Variants in NALF1 observed in about 807,000 individuals in gnomAD.
NALF1 encodes the protein family with sequence similarity 155 member A.
A neutral mutation model predicts 48.4 loss-of-function variants in NALF1; 3 were observed. That is an observed-to-expected ratio of 0.06 (90% CI 0.03 to 0.16). The LOEUF is 0.16. Among genes scored for constraint, NALF1 ranks in the 10% least tolerant of loss-of-function variants. NALF1 has a pLI of 1.00. For missense variants in NALF1, 526 were observed against 571.5 expected, an observed-to-expected ratio of 0.92 and a Z score of 0.81; for synonymous variants, 262 against 245.7, an observed-to-expected ratio of 1.07 and a Z score of -0.62.
chr13:107,716,235 A>G (rs963082407), intron 1 of NALF1, among the ~76,000 whole-genome samples: 1 of 152,226 alleles, frequency 6.6e-6, no homozygotes, highest in African/African-American at 2.4e-5. Flanking sequence ...TGAAAGGTTC[A>G]AAATTCAGTC....
intron 1 of NALF1, among the ~76,000 whole-genome samples, chr13:107,356,791 A>G (rs1169071027): frequency 2.7e-4 from 41 of 152,236 alleles, no homozygotes; most frequent in Non-Finnish European, 1.5e-5. Flanking sequence ...ACAGGTGTGG[A>G]TATGGAAATG....
chr13:107,392,466 A>C (rs1337070724), intron 1 of NALF1, among the ~76,000 whole-genome samples: 1 of 152,150 alleles, frequency 6.6e-6, no homozygotes, highest in Non-Finnish European at 1.5e-5. Context: ...GATAGCAGAG[A>C]TAGCCCTCTC....
intron 1 of NALF1, among the ~76,000 whole-genome samples, chr13:107,863,798 G>A (rs1483743301): frequency 6.6e-6 from 1 of 152,128 alleles, no homozygotes; most frequent in Admixed American, 6.5e-5. Context: ...TAAGGGGAAA[G>A]AAAACTTTTT....
intron 1 of NALF1, among the ~76,000 whole-genome samples, chr13:107,734,406 A>AC (rs1566462000): frequency 0.011 from 926 of 81,268 alleles, 12 homozygotes; most frequent in African/African-American, 0.033. Flanking sequence ...TCCTTTAAAA[A>AC]AAAACACACA....
intron 1 of NALF1, among the ~76,000 whole-genome samples, chr13:107,250,930 C>G (rs1281419966): frequency 6.6e-6 from 1 of 152,066 alleles, no homozygotes; most frequent in Non-Finnish European, 1.5e-5. Context: ...CCTGCTTCTC[C>G]TTCATCTTCT....
At chr13:107,185,172 G>A (rs188358684) in intron 2 of NALF1, among the ~76,000 whole-genome samples, 73 of 152,152 alleles carry the variant, frequency 4.8e-4, no homozygotes, top group Middle Eastern at 3.4e-3. Flanking sequence ...CAGATGCCCC[G>A]CATAGCCTCA....
chr13:107,767,430 C>T (rs1206284782), intron 1 of NALF1, among the ~76,000 whole-genome samples: 3 of 152,184 alleles, frequency 2.0e-5, no homozygotes, highest in Non-Finnish European at 4.4e-5. Context: ...GGTTATTCAA[C>T]GCAGTCCCAC....
chr13:107,642,462 A>G (rs1263404451), intron 1 of NALF1, among the ~76,000 whole-genome samples: 3 of 152,236 alleles, frequency 2.0e-5, no homozygotes, highest in Admixed American at 6.5e-5. Context: ...TGCCCAGCAT[A>G]TAAGATGTTA....
rs554321834 is a variant in NALF1, at chr13:107,673,497, T to C, written c.915+192185A>G. ...GGATCAAGCTATGAAAAAGAATCCA[T>C]GAGCTCAGATCATAGCGTTTTCCAA... On this transcript the variant is annotated intron_variant, in intron 1 of 2. Coordinates refer to ENST00000375915, the MANE Select transcript of NALF1 (RefSeq NM_001080396.3). Among the ~76,000 whole-genome samples, 5 of 152,212 alleles carry C rather than the reference T, an allele frequency of 3.3e-5. No homozygotes were observed. In the East Asian group the frequency reaches 9.7e-4, roughly 29 times the overall value.
chr13:107,845,146 A>G (rs979400451), intron 1 of NALF1, among the ~76,000 whole-genome samples: 26 of 152,214 alleles, frequency 1.7e-4, no homozygotes, highest in Non-Finnish European at 3.5e-4. Flanking sequence ...AAAATTCCAG[A>G]AAGATTTTTT....
intron 1 of NALF1, among the ~76,000 whole-genome samples, chr13:107,641,435 A>G (rs1880152666): frequency 6.6e-6 from 1 of 152,200 alleles, no homozygotes; most frequent in Admixed American, 6.5e-5. Context: ...AAAAAAGATA[A>G]TTGAGGTGAT....
chr13:107,551,204 C>G (rs896175084), intron 1 of NALF1, among the ~76,000 whole-genome samples: 9 of 152,148 alleles, frequency 5.9e-5, no homozygotes, highest in Non-Finnish European at 8.8e-5. Context: ...CATCTGTTAC[C>G]TGAATCTCAG....
At chr13:107,226,133 T>G (rs1376874156) in intron 1 of NALF1, among the ~76,000 whole-genome samples, 1 of 151,944 alleles carries the variant, frequency 6.6e-6, no homozygotes, top group Non-Finnish European at 1.5e-5. Context: ...GTTCCTGGGG[T>G]TTAAACACAC....
rs866984095 is a variant in NALF1, at chr13:107,786,449, C to T, written c.915+79233G>A. Among the ~76,000 whole-genome samples, 22 of 132,246 alleles carry T rather than the reference C, an allele frequency of 1.7e-4. No homozygotes were observed. The South Asian group carries it at 4.9e-3, about 29-fold the overall frequency. 86.8% of individuals were successfully genotyped at this position (132,246 alleles called of 152,430 possible). A position where few individuals can be genotyped will look rare whatever the true frequency, so the allele number is the denominator to read the frequency against. ...AAAAAAAAAAAAAAAAAAAGCCGGG[C>T]GCGGTGGCTCACTCCTGTAATCCCA... On this transcript the variant is annotated intron_variant, in intron 1 of 2. Transcript: ENST00000375915.
intron 1 of NALF1, among the ~76,000 whole-genome samples, chr13:107,775,269 T>C (rs1018586508): frequency 2.1e-5 from 3 of 140,646 alleles, no homozygotes; most frequent in Admixed American, 7.6e-5. Flanking sequence ...TGTGTTCCCA[T>C]TGTTCAATTC....
At chr13:107,762,926 G>C (rs1032827726) in intron 1 of NALF1, among the ~76,000 whole-genome samples, 2 of 152,084 alleles carry the variant, frequency 1.3e-5, no homozygotes, top group Non-Finnish European at 2.9e-5. Context: ...GAAATAATTA[G>C]AAGCTTTTTA....
chr13:107,454,685 G>A (rs2139037949), intron 1 of NALF1, among the ~76,000 whole-genome samples: 1 of 152,188 alleles, frequency 6.6e-6, no homozygotes, highest in African/African-American at 2.4e-5. Flanking sequence ...AAATTGAGAG[G>A]TTTTCACACT....
In NALF1 at chr13:107,362,882, A is replaced by G. The variant is rs1018544155; in HGVS notation, c.916-152127T>C. Reference sequence around the variant, plus strand: ...TAAGTGGAGGGATTGGGTTATCTATACATACCTTTAGGCTCATGATAAAGG... The same window carrying G: ...TAAGTGGAGGGATTGGGTTATCTATGCATACCTTTAGGCTCATGATAAAGG... On this transcript the variant is annotated intron_variant, in intron 1 of 2. Coordinates refer to ENST00000375915, the MANE Select transcript of NALF1 (RefSeq NM_001080396.3). This position sits in a 1 kb window ranked among gnomAD's most constrained non-coding sequence, Gnocchi z 4.6. Among the ~76,000 whole-genome samples, 15 of 152,268 alleles carry G rather than the reference A, an allele frequency of 9.9e-5. No individual in the cohort carries two copies. The highest frequency in any genetic ancestry group is 9.8e-4 in the Admixed American group (15 of 15,290).
At chr13:107,395,427 C>T (rs1181965893) in intron 1 of NALF1, among the ~76,000 whole-genome samples, 1 of 152,112 alleles carries the variant, frequency 6.6e-6, no homozygotes, top group African/African-American at 2.4e-5. Flanking sequence ...CTCCTAGTAC[C>T]TCTTCAGAGC....
Sources: gnomAD v4.1 joint callset for allele counts (sites outside exome capture counted in the v4.1 genomes callset) on GRCh38, gnomAD v4.1.1 for gene constraint, Gnocchi (gnomAD v3.1) non-coding constraint, MANE v1.5 for transcripts, NCBI Gene and HGNC (gene_info 2026-07-23, HGNC 2026-07-21) for gene names.